GNA14: variants seen among roughly 807,000 people sequenced by gnomAD.
GNA14 encodes the protein guanine nucleotide-binding protein subunit alpha-14.
Under a neutral mutation model 42.0 loss-of-function variants are expected in GNA14, and 50 were observed. The observed-to-expected ratio is 1.19, with a 90% CI of 0.95 to 1.51. The LOEUF (loss-of-function observed/expected upper bound fraction) is 1.51, where lower values mean the gene tolerates loss of function less well. Among genes scored for constraint, GNA14 ranks in the 40% most tolerant of loss-of-function variants. The pLI is 0.00. For synonymous variants in GNA14, 173 were observed against 163.1 expected (o/e 1.06, Z -0.46); for missense variants, 473 against 446.2 (o/e 1.06, Z -0.54).
chr9:77,481,919 C>CT (rs1187292228), intron 2 of GNA14, among the ~76,000 whole-genome samples: 28 of 151,366 alleles, frequency 1.8e-4, no homozygotes, highest in East Asian at 7.8e-4. Flanking sequence ...TTCCTCCATC[C>CT]TTTTTTTTTG....
At chr9:77,616,372 G>A (rs1193891313) in intron 1 of GNA14, among the ~76,000 whole-genome samples, 2 of 152,308 alleles carry the variant, frequency 1.3e-5, no homozygotes, top group South Asian at 4.1e-4. Context: ...AATCAGAACG[G>A]ATACTGTTCC....
intron 2 of GNA14, among the ~76,000 whole-genome samples, chr9:77,478,014 A>G (rs1372255531): frequency 6.9e-6 from 1 of 145,406 alleles, no homozygotes; most frequent in Non-Finnish European, 1.5e-5. Flanking sequence ...AGAATGAGAG[A>G]CCTTTTTAAA....
At chr9:77,564,452 G>C (rs1822935661) in intron 1 of GNA14, among the ~76,000 whole-genome samples, 1 of 152,100 alleles carries the variant, frequency 6.6e-6, no homozygotes, top group African/African-American at 2.4e-5. Flanking sequence ...AGACTACCAG[G>C]ATGGCTAGAC....
At chr9:77,523,973 T>A (rs2131763513) in intron 2 of GNA14, among the ~76,000 whole-genome samples, 1 of 152,320 alleles carries the variant, frequency 6.6e-6, no homozygotes, top group South Asian at 2.1e-4. Flanking sequence ...AAAATTATGA[T>A]GCTTTTCTGG....
rs1837487196 is a variant in GNA14 at position 77,529,116 on chromosome 9, T to G, written c.262A>C (p.Arg88=). ...TGTATCCTTAGCGTGTCCATCGCTCTGATCATGGCTTGCATGGCGGTGAAT... is the reference window on the plus strand; with the variant it reads ...TGTATCCTTAGCGTGTCCATCGCTCGGATCATGGCTTGCATGGCGGTGAAT... ...NIFTAMQAMI[R]AMDTLRIQYV... is the part of the protein sequence containing the mutation. Residue 88 remains arginine (R), a synonymous_variant, in exon 2 of 7, where the codon AGA becomes CGA. Coordinates refer to ENST00000341700, the MANE Select transcript of GNA14 (RefSeq NM_004297.4). The G allele has an allele frequency of 1.2e-6, 2 of 1,614,226 alleles. No homozygotes were observed. The highest frequency in any genetic ancestry group is 1.7e-6 in the Non-Finnish European group (2 of 1,180,026).
intron 1 of GNA14, among the ~76,000 whole-genome samples, chr9:77,613,556 C>T (rs957091467): frequency 3.3e-5 from 5 of 152,046 alleles, no homozygotes; most frequent in African/African-American, 1.2e-4. Flanking sequence ...CTAATAATAA[C>T]AAAAGGGGCA....
intron 1 of GNA14, among the ~76,000 whole-genome samples, chr9:77,598,889 A>G (rs1823508192): frequency 6.6e-6 from 1 of 152,234 alleles, no homozygotes; most frequent in African/African-American, 2.4e-5. Context: ...AGTTCATTCA[A>G]TACCATGATC....
intron 1 of GNA14, among the ~76,000 whole-genome samples, chr9:77,642,578 C>T (rs980659142): frequency 2.6e-5 from 4 of 151,998 alleles, no homozygotes; most frequent in Non-Finnish European, 4.4e-5. Flanking sequence ...CCAGCCTGGC[C>T]AACATGGTGA....
At chr9:77,500,877 G>A (rs950723591) in intron 2 of GNA14, among the ~76,000 whole-genome samples, 1 of 152,140 alleles carries the variant, frequency 6.6e-6, no homozygotes, top group East Asian at 1.9e-4. Flanking sequence ...ATAAACATTT[G>A]TGTACAGGTT....
At chr9:77,498,391 A>G (rs1347437013) in intron 2 of GNA14, among the ~76,000 whole-genome samples, 4 of 141,552 alleles carry the variant, frequency 2.8e-5, no homozygotes, top group African/African-American at 5.3e-5. Context: ...AAAAAAAAGA[A>G]AAAAAAGAAA....
In GNA14 at chr9:77,458,901, T is replaced by TG. The variant is rs1424687677; in HGVS notation, c.310-24380dup. ...AACCTAAGCTCCTTTTATCACAAGC[T>TG]GGAGGGGGGGGGGTTGTCCTCTTCT... On this transcript the variant is annotated intron_variant, in intron 2 of 6. Transcript: ENST00000341700. 1.6e-3 allele frequency among the ~76,000 whole-genome samples: 127 copies of TG among 78,884 alleles called. No individual in the cohort carries two copies. In the South Asian group the frequency reaches 0.016, roughly 10 times the overall value. 51.8% of individuals were successfully genotyped at this position (78,884 alleles called of 152,430 possible).
intron 2 of GNA14, among the ~76,000 whole-genome samples, chr9:77,454,540 T>C (rs1299303444): frequency 6.6e-6 from 1 of 151,210 alleles, no homozygotes; most frequent in African/African-American, 2.4e-5. Flanking sequence ...AAGGAACAGA[T>C]GAAATTCTTT....
At chr9:77,593,467 C>T (rs557732906) in intron 1 of GNA14, among the ~76,000 whole-genome samples, 7 of 152,220 alleles carry the variant, frequency 4.6e-5, no homozygotes, top group East Asian at 1.9e-4. Context: ...TGCACTACCA[C>T]GCCAGGCTAA....
intron 2 of GNA14, among the ~76,000 whole-genome samples, chr9:77,460,586 G>A (rs746620574): frequency 9.2e-5 from 14 of 152,310 alleles, no homozygotes; most frequent in East Asian, 5.8e-4. Flanking sequence ...CTGGGAGGGC[G>A]TCTGCAAGCA....
chr9:77,520,739 G>A (rs371853928), intron 2 of GNA14, among the ~76,000 whole-genome samples: 6 of 152,228 alleles, frequency 3.9e-5, no homozygotes, highest in Admixed American at 6.5e-5. Context: ...TGTGTTGGAC[G>A]GATGCATAAG....
chr9:77,559,907 G>A (rs1440966496), intron 1 of GNA14, among the ~76,000 whole-genome samples: 1 of 152,076 alleles, frequency 6.6e-6, no homozygotes, highest in East Asian at 1.9e-4. Flanking sequence ...CTTCAACCAG[G>A]CGGTGGTGAG....
At chr9:77,619,923 G>T (rs544405220) in intron 1 of GNA14, among the ~76,000 whole-genome samples, 1 of 152,152 alleles carries the variant, frequency 6.6e-6, no homozygotes, top group Non-Finnish European at 1.5e-5. Flanking sequence ...AACCTGTTTT[G>T]ATACACTGGA....
At position 77,603,965 on chromosome 9, in the gene GNA14, A is replaced by C. The variant is rs1196963384; in HGVS notation, c.124+43705T>G. ...TCTCAAAAAAAAAAAACAAAAAAAA[A>C]AAAAAAAAAAAAAAAACACCTCTGA... On this transcript the variant is annotated intron_variant, in intron 1 of 6. Transcript: ENST00000341700. Among the ~76,000 whole-genome samples, 224 of 148,938 alleles carry C rather than the reference A, an allele frequency of 1.5e-3. 1 individual carries two copies. Among genetic ancestry groups the C allele is most frequent in the South Asian group, 0.012 (55 of 4,706 alleles).
intron 1 of GNA14, among the ~76,000 whole-genome samples, chr9:77,637,799 A>C (rs1824206043): frequency 6.6e-6 from 1 of 152,228 alleles, no homozygotes; most frequent in African/African-American, 2.4e-5. Flanking sequence ...GGCTTTAGTA[A>C]ACCATGAAAA....
Sources: allele counts gnomAD v4.1 joint callset (sites outside exome capture counted in the v4.1 genomes callset), GRCh38; gene constraint gnomAD v4.1.1; transcripts MANE v1.5; gene names NCBI Gene and HGNC (gene_info 2026-07-23, HGNC 2026-07-21).